IFNAR1: variants seen among roughly 807,000 people sequenced by gnomAD.
The protein encoded by IFNAR1 is interferon alpha and beta receptor subunit 1.
Under a neutral mutation model 62.1 loss-of-function variants are expected in IFNAR1, and 47 were observed. The observed-to-expected ratio is 0.76, with a 90% CI of 0.60 to 0.97. IFNAR1 has a LOEUF of 0.97. IFNAR1 is among the 50% of genes least tolerant of loss of function. The probability of loss-of-function intolerance (pLI) is 0.00; values close to 1 mark genes in which losing one functional copy is unlikely to be tolerated. For missense variants in IFNAR1, 638 were observed against 654.5 expected (o/e 0.97, Z 0.27); for synonymous variants, 219 against 226.9 (o/e 0.97, Z 0.31).
chr21:33,354,154 T>C (rs1034509603), intron 10 of IFNAR1, among the ~76,000 whole-genome samples: 2 of 151,718 alleles, frequency 1.3e-5, no homozygotes, highest in African/African-American at 4.8e-5. Flanking sequence ...ACCAGCCTGG[T>C]CAACATGGAG....
rs372363561 is a variant in IFNAR1, at chr21:33,326,785, AT to A, written c.76+1665del. 4.9e-3 allele frequency among the ~76,000 whole-genome samples: 707 copies of A among 142,940 alleles called. 3 individuals are homozygous for A. The highest frequency in any genetic ancestry group is 0.016 in the African/African-American group (627 of 40,344). 93.8% of individuals were successfully genotyped at this position (142,940 alleles called of 152,430 possible). On this transcript the variant is annotated intron_variant, in intron 1 of 10. Transcript: ENST00000270139. ...TAAGAAAGTTGGGAGAGGTCCTGAG[AT>A]TTTTTTTTTTCTTTTACAAAAATAA...
upstream of IFNAR1, chr21:33,324,759 G>A: frequency 2.1e-6 from 1 of 487,192 alleles, no homozygotes; most frequent in Admixed American, 3.5e-5. Context: ...AGAGAATGCA[G>A]GAGGCCTGCG....
At chr21:33,348,148 CGT>C (rs1169510458) in intron 6 of IFNAR1, among the ~76,000 whole-genome samples, 2 of 152,144 alleles carry the variant, frequency 1.3e-5, no homozygotes, top group Non-Finnish European at 2.9e-5. Context: ...TCTTTAGTCT[CGT>C]ACTTATACTT....
In IFNAR1 at chr21:33,334,931, G is replaced by T. The variant is rs2083218572; in HGVS notation, c.77-593G>T. 1.9e-6 allele frequency: 3 copies of T among 1,577,202 alleles called. No homozygotes were observed. The Admixed American group carries it at 5.0e-5, about 26-fold the overall frequency. The stretch of plus-strand genomic sequence containing the variant: ...ACCCCTGCAGTGGGAGATGGGGCAG[G>T]GGGTACCACATCAGGGAGTACAGCT... On this transcript the variant is annotated intron_variant, in intron 1 of 10. Coordinates refer to ENST00000270139, the MANE Select transcript of IFNAR1 (RefSeq NM_000629.3).
At chr21:33,341,641 G>C (rs1200127297) in intron 3 of IFNAR1, among the ~76,000 whole-genome samples, 1 of 151,840 alleles carries the variant, frequency 6.6e-6, no homozygotes, top group African/African-American at 2.4e-5. Flanking sequence ...GTTCCTTTTG[G>C]CAAATGTTTG....
rs562998490 is a variant in IFNAR1 at position 33,336,747 on chromosome 21, C to CTT, written c.200+1120_200+1121dup. Among the ~76,000 whole-genome samples, 85 of 92,678 alleles carry CTT rather than the reference C, an allele frequency of 9.2e-4. 1 individual carries two copies. The highest frequency in any genetic ancestry group is 1.8e-3 in the African/African-American group (44 of 24,236). 60.8% of individuals were successfully genotyped at this position (92,678 alleles called of 152,430 possible). On this transcript the variant is annotated intron_variant, in intron 2 of 10. Transcript: ENST00000270139. ...ATACTATATTTTAATTTTAGGTACA[C>CTT]TTTTTTTTTTTTTTTTTTTTTGAGG...
chr21:33,330,649 A>C (rs2083168598), intron 1 of IFNAR1, among the ~76,000 whole-genome samples: 1 of 152,160 alleles, frequency 6.6e-6, no homozygotes, highest in African/African-American at 2.4e-5. Context: ...ACAAATAAAC[A>C]ACTACATTTT....
intron 2 of IFNAR1, among the ~76,000 whole-genome samples, chr21:33,336,544 T>C (rs896132828): frequency 2.6e-5 from 4 of 151,558 alleles, no homozygotes; most frequent in African/African-American, 9.7e-5. Context: ...CCACCAACAG[T>C]GTAAAAGTGT....
chr21:33,337,686 C>G (rs9982408), intron 2 of IFNAR1, among the ~76,000 whole-genome samples: 1 of 58,536 alleles, frequency 1.7e-5, no homozygotes, highest in African/African-American at 6.6e-5. Context: ...ATAATACATA[C>G]TGTATACATA....
intron 6 of IFNAR1, among the ~76,000 whole-genome samples, chr21:33,346,528 A>G (rs1323645135): frequency 5.9e-5 from 9 of 152,228 alleles, no homozygotes; most frequent in Non-Finnish European, 1.3e-4. Context: ...CACTTTCAGA[A>G]GTGAATAAAT....
chr21:33,325,202 G>T (rs2083114858), intron 1 of IFNAR1, 71 bp downstream of exon 1: 2 of 1,343,860 alleles, frequency 1.5e-6, no homozygotes, highest in African/African-American at 2.9e-5. Flanking sequence ...CGGGGGCGGC[G>T]ATGCTGTTGG....
chr21:33,337,960 T>C (rs1298250109), intron 2 of IFNAR1, among the ~76,000 whole-genome samples: 2 of 152,200 alleles, frequency 1.3e-5, no homozygotes, highest in East Asian at 3.8e-4. Context: ...GAAGGAATTA[T>C]TTCAGATACC....
chr21:33,324,866 G>C (rs940869421), upstream of IFNAR1: 1 of 578,194 alleles, frequency 1.7e-6, no homozygotes, highest in Non-Finnish European at 3.1e-6. Context: ...CGCGTGCGTG[G>C]AGGAACGGCG....
chr21:33,334,192 T>G lies in IFNAR1; in HGVS notation c.77-1332T>G, dbSNP rs1215175386. On this transcript the variant is annotated intron_variant, in intron 1 of 10. Coordinates refer to ENST00000270139, the MANE Select transcript of IFNAR1 (RefSeq NM_000629.3). The stretch of plus-strand genomic sequence containing the variant: ...CCCAGATATATAAAGTAAATATTAC[T>G]ATACGTAAAGGGAAAGATAGACTCC... Among the ~76,000 whole-genome samples, 4 of 152,140 alleles carry G rather than the reference T, an allele frequency of 2.6e-5. No individual in the cohort carries two copies. In the East Asian group the frequency reaches 7.7e-4, roughly 29 times the overall value.
chr21:33,339,038 G>A (rs950942598), intron 2 of IFNAR1, among the ~76,000 whole-genome samples: 11 of 152,046 alleles, frequency 7.2e-5, no homozygotes, highest in South Asian at 2.1e-4. Context: ...CACCGAGCCC[G>A]GCCAATAATG....
chr21:33,353,855 T>A, intron 10 of IFNAR1, 72 bp downstream of exon 10: 1 of 1,005,220 alleles, frequency 9.9e-7, no homozygotes. Flanking sequence ...TTCAACAGGA[T>A]ATATGTAGGT....
In IFNAR1 at chr21:33,352,606, AAAAACAAAACAAAAC is replaced by A. The variant is rs367655910; in HGVS notation, c.1144-137_1144-123del. On this transcript the variant is annotated intron_variant, in intron 8 of 10. Transcript: ENST00000270139. ...TGACAGAGCGAGACTGTCTCACAAA[AAAAACAAAACAAAAC>A]AAAACAAAACAAAAAATACATACCA... 5.5e-5 allele frequency: 27 copies of A among 489,836 alleles called. No individual in the cohort carries two copies. The South Asian group carries it at 8.9e-4, about 16-fold the overall frequency. 30.3% of individuals were successfully genotyped at this position (489,836 alleles called of 1,614,324 possible).
intron 6 of IFNAR1, among the ~76,000 whole-genome samples, chr21:33,347,131 CTTT>C (rs5843597): frequency 2.3e-4 from 30 of 132,274 alleles, no homozygotes; most frequent in Middle Eastern, 4.0e-3. Flanking sequence ...CCTCTAGATC[CTTT>C]TTTTTTTTTT....
intron 1 of IFNAR1, among the ~76,000 whole-genome samples, chr21:33,326,210 T>G: frequency 8.3e-6 from 1 of 120,576 alleles, no homozygotes; most frequent in Non-Finnish European, 1.7e-5. Context: ...TTTTTATTTA[T>G]ACTTTTTTTT....
Sources: gnomAD v4.1 joint callset for allele counts (sites outside exome capture counted in the v4.1 genomes callset) on GRCh38, gnomAD v4.1.1 for gene constraint, MANE v1.5 for transcripts, NCBI Gene and HGNC (gene_info 2026-07-23, HGNC 2026-07-21) for gene names.